The following CELF2 variants were observed in gnomAD, a reference collection of about 807,000 sequenced individuals.
The protein encoded by CELF2 is CUGBP Elav-like family member 2.
A neutral mutation model predicts 62.6 loss-of-function variants in CELF2; 8 were observed. That is an observed-to-expected ratio of 0.13 (90% CI 0.07 to 0.23). The LOEUF (loss-of-function observed/expected upper bound fraction) is 0.23. CELF2 is among the 10% of genes least tolerant of loss of function. The pLI is 1.00. For missense variants in CELF2, 333 were observed against 671.0 expected (o/e 0.50, Z 5.56); for synonymous variants, 258 against 250.0 (o/e 1.03, Z -0.30).
chr10:11,222,528 C>T (rs1055923065), intron 3 of CELF2, among the ~76,000 whole-genome samples: 6 of 152,156 alleles, frequency 3.9e-5, no homozygotes, highest in African/African-American at 7.2e-5. Flanking sequence ...TTGTGCCATG[C>T]GGGGCACACA....
intron 2 of CELF2, among the ~76,000 whole-genome samples, chr10:11,171,749 T>C (rs1040529205): frequency 2.0e-5 from 3 of 152,216 alleles, no homozygotes; most frequent in African/African-American, 7.2e-5. Context: ...TAATACCCAC[T>C]TCACAAGTTG....
intron 1 of CELF2, among the ~76,000 whole-genome samples, chr10:11,135,911 C>A (rs976676869): frequency 1.3e-5 from 2 of 152,184 alleles, no homozygotes; most frequent in African/African-American, 4.8e-5. Context: ...GAATCAGACT[C>A]TCTGGGGTGG....
At chr10:11,209,410 T>C (rs1452789886) in intron 2 of CELF2, among the ~76,000 whole-genome samples, 1 of 151,778 alleles carries the variant, frequency 6.6e-6, no homozygotes, top group Non-Finnish European at 1.5e-5. Flanking sequence ...GGTGGTTGGA[T>C]TTTGGGCTAA....
intron 1 of CELF2, among the ~76,000 whole-genome samples, chr10:10,901,722 G>A (rs992757569): frequency 1.3e-5 from 2 of 152,070 alleles, no homozygotes; most frequent in Non-Finnish European, 2.9e-5. Context: ...GAAAAAAGAA[G>A]TCACAGACTA....
At chr10:10,900,998 A>C (rs932440621) in intron 1 of CELF2, among the ~76,000 whole-genome samples, 1 of 152,256 alleles carries the variant, frequency 6.6e-6, no homozygotes, top group East Asian at 1.9e-4. Flanking sequence ...AAATCTGTAC[A>C]CTGAAAACAC....
chr10:10,684,307 CCAAA>C, the CELF2 span, among the ~76,000 whole-genome samples: 12 of 152,272 alleles, frequency 7.9e-5, no homozygotes, highest in East Asian at 1.7e-3. Flanking sequence ...TAGTCAGAGC[CCAAA>C]CAAAGTGAGT....
chr10:11,232,496 C>G (rs772810922), intron 3 of CELF2, among the ~76,000 whole-genome samples: 2 of 152,182 alleles, frequency 1.3e-5, no homozygotes, highest in African/African-American at 4.8e-5. Flanking sequence ...ATCACAGCAT[C>G]CACTCATTAG....
intron 1 of CELF2, among the ~76,000 whole-genome samples, chr10:11,111,167 TCA>T (rs1391357096): frequency 6.6e-6 from 1 of 152,210 alleles, no homozygotes; most frequent in African/African-American, 2.4e-5. Flanking sequence ...ACTCAGGGGC[TCA>T]GACTTTCTGG....
chr10:11,067,807 G>C (rs986774409), intron 1 of CELF2, among the ~76,000 whole-genome samples: 1 of 152,196 alleles, frequency 6.6e-6, no homozygotes, highest in African/African-American at 2.4e-5. Flanking sequence ...TTGGTTCTGA[G>C]ACCCTGGGCA....
In CELF2 at chr10:11,224,030, A is replaced by C. The variant is rs890691748; in HGVS notation, c.354+6523A>C. 2.0e-5 allele frequency among the ~76,000 whole-genome samples: 3 copies of C among 151,518 alleles called. No homozygotes were observed. Among genetic ancestry groups the C allele is most frequent in the African/African-American group, 4.9e-5 (2 of 40,916 alleles). On this transcript the variant is annotated intron_variant, in intron 3 of 12. Transcript: ENST00000633077. The surrounding 1 kb of genome is among the most constrained non-coding windows in gnomAD (Gnocchi z 4.5). ...TTTACGTACGGCTTTGATTAAAATAAAAAACTAGTTATTTTTAAAGCATGG... is the reference window on the plus strand; with the variant it reads ...TTTACGTACGGCTTTGATTAAAATACAAAACTAGTTATTTTTAAAGCATGG...
chr10:11,289,960 AT>A (rs1023774295), intron 9 of CELF2, among the ~76,000 whole-genome samples: 3 of 151,980 alleles, frequency 2.0e-5, no homozygotes, highest in Non-Finnish European at 4.4e-5. Flanking sequence ...CTTAAGAGGG[AT>A]TTTTTTTCTC....
At chr10:10,667,279 T>C in the CELF2 span, among the ~76,000 whole-genome samples, 6 of 152,224 alleles carry the variant, frequency 3.9e-5, no homozygotes, top group Admixed American at 3.3e-4. Flanking sequence ...GTCAACTTTC[T>C]ATTTTAGTGA....
chr10:10,495,805 G>A, the CELF2 span, among the ~76,000 whole-genome samples: 1 of 152,088 alleles, frequency 6.6e-6, no homozygotes, highest in Non-Finnish European at 1.5e-5. Context: ...TTCTAGCAGC[G>A]TGAGCTCACT....
intron 1 of CELF2, among the ~76,000 whole-genome samples, chr10:11,162,754 C>T (rs1181232542): frequency 6.6e-6 from 1 of 152,054 alleles, no homozygotes; most frequent in Non-Finnish European, 1.5e-5. Context: ...TTTTGATGGT[C>T]ACTCATTTCA....
At chr10:10,541,040 G>A in the CELF2 span, among the ~76,000 whole-genome samples, 39 of 151,864 alleles carry the variant, frequency 2.6e-4, no homozygotes, top group African/African-American at 8.5e-4. Flanking sequence ...TCAGGAGATC[G>A]AGACCATCCT....
the CELF2 span, among the ~76,000 whole-genome samples, chr10:10,622,334 T>C: frequency 1.3e-5 from 2 of 152,104 alleles, no homozygotes; most frequent in Admixed American, 1.3e-4. Flanking sequence ...TTAGGCCAGG[T>C]ATGGTGGCTC....
intron 5 of CELF2, among the ~76,000 whole-genome samples, chr10:11,263,176 T>C (rs911289108): frequency 6.6e-6 from 1 of 152,224 alleles, no homozygotes; most frequent in Non-Finnish European, 1.5e-5. Flanking sequence ...CAATCATTTA[T>C]CTGTTTTAGC....
upstream of CELF2, among the ~76,000 whole-genome samples, chr10:10,797,327 G>A (rs2054200879): frequency 6.6e-6 from 1 of 151,854 alleles, no homozygotes; most frequent in African/African-American, 2.4e-5. Context: ...TCTCAGGGAA[G>A]TCTCTGGCTG....
intron 1 of CELF2, among the ~76,000 whole-genome samples, chr10:10,814,085 ACT>A (rs1207324079): frequency 6.6e-6 from 1 of 151,856 alleles, no homozygotes; most frequent in African/African-American, 2.4e-5. Context: ...CAGCACCTCT[ACT>A]CTCTAGCAAA....
Sources: gnomAD v4.1 joint callset for allele counts (sites outside exome capture counted in the v4.1 genomes callset) on GRCh38, gnomAD v4.1.1 for gene constraint, Gnocchi (gnomAD v3.1) non-coding constraint, MANE v1.5 for transcripts, NCBI Gene and HGNC (gene_info 2026-07-23, HGNC 2026-07-21) for gene names.